The following PLXNA4 variants were observed in gnomAD, a reference collection of about 807,000 sequenced individuals.
The protein encoded by PLXNA4 is plexin-A4.
In PLXNA4, 44 loss-of-function variants were observed where a neutral mutation model predicts 191.8. The observed-to-expected ratio is 0.23, with a 90% CI of 0.18 to 0.29. The LOEUF (loss-of-function observed/expected upper bound fraction) is 0.29, where lower values mean the gene tolerates loss of function less well. Ranked by LOEUF, PLXNA4 falls within the 10% of genes least tolerant of loss-of-function variation. The pLI is 1.00. For missense variants in PLXNA4, 1,800 were observed against 2,488.8 expected, an observed-to-expected ratio of 0.72 and a Z score of 5.89; for synonymous variants, 1,082 against 1,009.5, an observed-to-expected ratio of 1.07 and a Z score of -1.36.
At chr7:132,355,774 G>A (rs66792854) in intron 3 of PLXNA4, among the ~76,000 whole-genome samples, 15,448 of 151,858 alleles carry the variant, frequency 0.1, 1,365 homozygotes, top group African/African-American at 0.23. Flanking sequence ...AAGAGGCTTT[G>A]GGGAGGGAGA....
At chr7:132,568,672 A>T (rs921882261) in intron 1 of PLXNA4, among the ~76,000 whole-genome samples, 2 of 152,200 alleles carry the variant, frequency 1.3e-5, no homozygotes, top group Non-Finnish European at 2.9e-5. Context: ...ATTAAAAAGC[A>T]GGAATTGAGC....
chr7:132,510,711 T>A (rs2116278742), intron 1 of PLXNA4, among the ~76,000 whole-genome samples: 1 of 152,104 alleles, frequency 6.6e-6, no homozygotes, highest in Non-Finnish European at 1.5e-5. Context: ...GGGCATGGAA[T>A]TTGGGCTGAG....
intron 25 of PLXNA4, among the ~76,000 whole-genome samples, chr7:132,159,230 GACTACCAA>G (rs1287743597): frequency 1.3e-5 from 2 of 152,092 alleles, no homozygotes; most frequent in Admixed American, 6.5e-5. Context: ...ATCACCAACA[GACTACCAA>G]GTGGCCCGTG....
intron 21 of PLXNA4, among the ~76,000 whole-genome samples, 183 bp from the exon 22 acceptor site, chr7:132,168,755 T>C (rs1235885863): frequency 6.6e-6 from 1 of 152,200 alleles, no homozygotes; most frequent in Non-Finnish European, 1.5e-5. Flanking sequence ...CATCGCAGCC[T>C]CTAGTTTAGA....
intron 3 of PLXNA4, among the ~76,000 whole-genome samples, chr7:132,349,713 C>A (rs1243271815): frequency 1.3e-5 from 2 of 152,114 alleles, no homozygotes. Flanking sequence ...TCACTCTCCT[C>A]CCCATGATAA....
In PLXNA4 at chr7:132,334,252, C is replaced by CTTTTTTTT. The variant is rs71529758; in HGVS notation, c.1372-36038_1372-36031dup. ...TTTCTTTTCTTTTCTTTCTTTCTTTCTTTTTTTTTTTTTTTTTTTTTTTGA... is the reference window on the plus strand; with the variant it reads ...TTTCTTTTCTTTTCTTTCTTTCTTTCTTTTTTTTTTTTTTTTTTTTTTTTTTTTTTTGA... On this transcript the variant is annotated intron_variant, in intron 3 of 31. Transcript: ENST00000321063. Among the ~76,000 whole-genome samples the CTTTTTTTT allele has an allele frequency of 5.1e-3, 387 of 75,518 alleles. 5 individuals are homozygous for CTTTTTTTT. Among genetic ancestry groups the CTTTTTTTT allele is most frequent in the African/African-American group, 6.5e-3 (106 of 16,418 alleles). The allele number at this position is 75,518 out of a possible 152,430, so 49.5% of individuals were successfully genotyped here.
chr7:132,161,511 G>A (rs532136513), intron 24 of PLXNA4, among the ~76,000 whole-genome samples: 1 of 152,326 alleles, frequency 6.6e-6, no homozygotes, highest in African/African-American at 2.4e-5. Context: ...AGAAGCACTT[G>A]GGGGCTTTGT....
chr7:132,399,807 T>C (rs1355162120), intron 3 of PLXNA4, among the ~76,000 whole-genome samples: 1 of 152,232 alleles, frequency 6.6e-6, no homozygotes, highest in African/African-American at 2.4e-5. Context: ...CTTTTCCATT[T>C]CTGTTTGGAG....
chr7:132,547,148 T>C (rs146154862), intron 1 of PLXNA4, among the ~76,000 whole-genome samples: 18 of 152,286 alleles, frequency 1.2e-4, no homozygotes, highest in Admixed American at 3.9e-4. Flanking sequence ...AAAAGGAAGA[T>C]ACAATAGGCT....
intron 1 of PLXNA4, among the ~76,000 whole-genome samples, chr7:132,542,340 A>G (rs948928521): frequency 6.6e-6 from 1 of 152,230 alleles, no homozygotes; most frequent in Non-Finnish European, 1.5e-5. Context: ...AATGGGTAAC[A>G]TCTGGACAGA....
chr7:132,242,202 T>A (rs1370508150), intron 4 of PLXNA4, among the ~76,000 whole-genome samples: 1 of 152,156 alleles, frequency 6.6e-6, no homozygotes, highest in African/African-American at 2.4e-5. Context: ...GATACCTTTT[T>A]ATCTCAATGG....
chr7:132,400,934 T>C (rs1327749267), intron 3 of PLXNA4, among the ~76,000 whole-genome samples: 1 of 152,206 alleles, frequency 6.6e-6, no homozygotes, highest in African/African-American at 2.4e-5. Context: ...GTCACATTGT[T>C]TGGTCTATTT....
At chr7:132,133,341 A>G (rs1795023095) in intron 30 of PLXNA4, 142 bp from the exon 31 acceptor site, 1 of 1,391,332 alleles carries the variant, frequency 7.2e-7, no homozygotes, top group African/African-American at 1.4e-5. Context: ...CCACCTGGGG[A>G]CCACTGTGGT....
intron 1 of PLXNA4, among the ~76,000 whole-genome samples, chr7:132,562,748 CT>C (rs1801285355): frequency 1.6e-5 from 2 of 122,866 alleles, no homozygotes; most frequent in Non-Finnish European, 1.7e-5. Flanking sequence ...TCTCCTCCTC[CT>C]TCTCCTCCTC....
chr7:132,334,338 G>C (rs991601771), intron 3 of PLXNA4, among the ~76,000 whole-genome samples: 2 of 138,260 alleles, frequency 1.4e-5, no homozygotes, highest in Admixed American at 8.0e-5. Context: ...GCTCACTGCA[G>C]CCTCAACCTC....
At chr7:132,562,651 T>TCTC in intron 1 of PLXNA4, among the ~76,000 whole-genome samples, 1 of 110,216 alleles carries the variant, frequency 9.1e-6, no homozygotes, top group Non-Finnish European at 1.8e-5. Context: ...TTTCTCCTCC[T>TCTC]CCTCCTCCTT....
chr7:132,204,513 G>A (rs1264795644), intron 10 of PLXNA4, among the ~76,000 whole-genome samples: 1 of 152,212 alleles, frequency 6.6e-6, no homozygotes, highest in African/African-American at 2.4e-5. Flanking sequence ...TTAGTCCAGA[G>A]GACCAGGTTT....
chr7:132,185,490 G>A (rs751714761), intron 15 of PLXNA4, 27 bp from the exon 16 acceptor site: 2 of 1,598,562 alleles, frequency 1.3e-6, no homozygotes, highest in South Asian at 1.1e-5. Flanking sequence ...CAGAGCACTG[G>A]GCGCCTGGTG....
intron 3 of PLXNA4, among the ~76,000 whole-genome samples, chr7:132,379,958 T>A (rs1804820594): frequency 6.6e-6 from 1 of 152,246 alleles, no homozygotes; most frequent in Admixed American, 6.5e-5. Context: ...CATATGTTCT[T>A]GGACTTGCCA....
Sources: gnomAD v4.1 joint callset for allele counts (sites outside exome capture counted in the v4.1 genomes callset) on GRCh38, gnomAD v4.1.1 for gene constraint, MANE v1.5 for transcripts, NCBI Gene and HGNC (gene_info 2026-07-23, HGNC 2026-07-21) for gene names.